EBF2: variants seen among roughly 807,000 people sequenced by gnomAD.
The protein encoded by EBF2 is EBF transcription factor 2, also known as transcription factor COE2.
In EBF2, 21 loss-of-function variants were observed where a neutral mutation model predicts 72.8. The ratio of observed to expected loss-of-function variants is 0.29; its 90% CI spans 0.20 to 0.42. EBF2 has a LOEUF of 0.42. Among genes scored for constraint, EBF2 ranks in the 10% least tolerant of loss-of-function variants. The pLI is 1.00. For synonymous variants in EBF2, 299 were observed against 274.2 expected (o/e 1.09, Z -0.89); for missense variants, 637 against 731.2 (o/e 0.87, Z 1.49).
chr8:26,037,129 T>C (rs1805516051), intron 5 of EBF2, among the ~76,000 whole-genome samples: 1 of 152,026 alleles, frequency 6.6e-6, no homozygotes, highest in South Asian at 2.1e-4. Context: ...ATTCTCCCCA[T>C]CTCCACCCGG....
At chr8:25,918,049 A>T (rs1279209352) in intron 6 of EBF2, among the ~76,000 whole-genome samples, 1 of 152,224 alleles carries the variant, frequency 6.6e-6, no homozygotes, top group African/African-American at 2.4e-5. Context: ...TACCAGTGAG[A>T]CAAAAAGAAA....
chr8:26,025,201 A>G (rs2117248778), intron 6 of EBF2, among the ~76,000 whole-genome samples: 1 of 152,282 alleles, frequency 6.6e-6, no homozygotes, highest in Admixed American at 6.5e-5. Flanking sequence ...AGGGGGATTC[A>G]CAGAGAAAGA....
chr8:25,899,115 C>T (rs926500680), intron 7 of EBF2, among the ~76,000 whole-genome samples: 2 of 152,114 alleles, frequency 1.3e-5, no homozygotes, highest in African/African-American at 4.8e-5. Flanking sequence ...ATTCAAGACA[C>T]CAAAATTTAG....
chr8:25,936,960 G>A (rs941590219), intron 6 of EBF2, among the ~76,000 whole-genome samples: 6 of 152,044 alleles, frequency 3.9e-5, no homozygotes, highest in African/African-American at 9.7e-5. Flanking sequence ...ATTAAAGACC[G>A]ATAAAAAGAA....
intron 10 of EBF2, among the ~76,000 whole-genome samples, chr8:25,864,599 A>C (rs1422258072): frequency 6.6e-6 from 1 of 152,058 alleles, no homozygotes; most frequent in Non-Finnish European, 1.5e-5. Context: ...TTACTTTGTA[A>C]TGTAACATTA....
At chr8:25,857,242 A>T (rs149265441) in intron 14 of EBF2, among the ~76,000 whole-genome samples, 14 of 152,168 alleles carry the variant, frequency 9.2e-5, no homozygotes, top group Non-Finnish European at 1.8e-4. Flanking sequence ...GCTTGGTGCT[A>T]TATCTTTATC....
chr8:25,886,377 A>G (rs1460870567), intron 10 of EBF2, among the ~76,000 whole-genome samples: 1 of 152,232 alleles, frequency 6.6e-6, no homozygotes, highest in Non-Finnish European at 1.5e-5. Flanking sequence ...AATACTTTGA[A>G]TTGCTCTCCA....
chr8:25,972,424 G>A (rs1804204843), intron 6 of EBF2, among the ~76,000 whole-genome samples: 1 of 152,202 alleles, frequency 6.6e-6, no homozygotes, highest in African/African-American at 2.4e-5. Flanking sequence ...ATGGGGTGTG[G>A]CTTGGGAGGA....
chr8:25,854,057 A>AAACC (rs1439914555), intron 14 of EBF2, among the ~76,000 whole-genome samples: 1 of 152,160 alleles, frequency 6.6e-6, no homozygotes, highest in Non-Finnish European at 1.5e-5. Flanking sequence ...ATGGTAGGAG[A>AAACC]AACCAGTAAA....
At chr8:25,973,938 G>A (rs1018170992) in intron 6 of EBF2, among the ~76,000 whole-genome samples, 4 of 152,008 alleles carry the variant, frequency 2.6e-5, no homozygotes, top group African/African-American at 7.3e-5. Flanking sequence ...TCAGCCTCCC[G>A]AAGTGCTGGG....
At chr8:25,975,815 G>A (rs1256353236) in intron 6 of EBF2, among the ~76,000 whole-genome samples, 1 of 152,024 alleles carries the variant, frequency 6.6e-6, no homozygotes, top group Non-Finnish European at 1.5e-5. Context: ...TACTGGGGAG[G>A]GTTAATAGGC....
chr8:26,038,350 A>T (rs936499538), intron 5 of EBF2, among the ~76,000 whole-genome samples: 1 of 152,224 alleles, frequency 6.6e-6, no homozygotes, highest in African/African-American at 2.4e-5. Context: ...TTACTAATGC[A>T]GACTAAACTA....
intron 6 of EBF2, among the ~76,000 whole-genome samples, chr8:25,916,126 A>G (rs913521812): frequency 2.0e-5 from 3 of 151,946 alleles, no homozygotes; most frequent in African/African-American, 4.8e-5. Flanking sequence ...TCTCTACTAC[A>G]TATACAAAAA....
chr8:25,903,646 G>A (rs549917072), intron 7 of EBF2, among the ~76,000 whole-genome samples: 4 of 152,240 alleles, frequency 2.6e-5, no homozygotes, highest in South Asian at 2.1e-4. Context: ...GCAGTGAGCC[G>A]AGATCGCGCC....
chr8:26,008,200 C>T (rs1345878306), intron 6 of EBF2, among the ~76,000 whole-genome samples: 1 of 152,140 alleles, frequency 6.6e-6, no homozygotes, highest in Admixed American at 6.5e-5. Context: ...CACAACCTCT[C>T]CTCGGCTATA....
At chr8:25,889,539 GAGGC>G (rs1802743572) in intron 8 of EBF2, among the ~76,000 whole-genome samples, 1 of 152,128 alleles carries the variant, frequency 6.6e-6, no homozygotes, top group African/African-American at 2.4e-5. Context: ...AAGAGAGTGG[GAGGC>G]ATGAGGACTT....
intron 6 of EBF2, among the ~76,000 whole-genome samples, chr8:25,979,296 G>T (rs1426144142): frequency 1.3e-5 from 2 of 152,360 alleles, no homozygotes; most frequent in African/African-American, 2.4e-5. Context: ...GGAACTGCAC[G>T]CTGGGCTAAG....
intron 7 of EBF2, among the ~76,000 whole-genome samples, chr8:25,907,365 A>G (rs1803052387): frequency 7.7e-6 from 1 of 130,414 alleles, no homozygotes; most frequent in Admixed American, 9.1e-5. Flanking sequence ...GTTTGCAGTG[A>G]GCCAAGATCA....
At chr8:25,864,747 G>T (rs1184285490) in intron 10 of EBF2, among the ~76,000 whole-genome samples, 1 of 151,650 alleles carries the variant, frequency 6.6e-6, no homozygotes, top group African/African-American at 2.4e-5. Flanking sequence ...ATTTGATAGG[G>T]TAAGTGTCCT....
Sources: gnomAD v4.1 joint callset for allele counts (sites outside exome capture counted in the v4.1 genomes callset) on GRCh38, gnomAD v4.1.1 for gene constraint, MANE v1.5 for transcripts, NCBI Gene and HGNC (gene_info 2026-07-23, HGNC 2026-07-21) for gene names.